Variants in MFSD2B observed in about 807,000 individuals in gnomAD.
The protein encoded by MFSD2B is sphingosine-1-phosphate transporter MFSD2B.
Under a neutral mutation model 58.4 loss-of-function variants are expected in MFSD2B, and 56 were observed. The ratio of observed to expected loss-of-function variants is 0.96; its 90% CI spans 0.77 to 1.20. The LOEUF is 1.20. MFSD2B is among the 50% of genes most tolerant of loss of function. The pLI is 0.00. For synonymous variants in MFSD2B, 287 were observed against 294.4 expected (o/e 0.97, Z 0.26); for missense variants, 645 against 667.6 (o/e 0.97, Z 0.37).
chr2:24,026,030 C>T lies in MFSD2B; in HGVS notation c.*574C>T, dbSNP rs1428976440. On this transcript the variant is annotated 3_prime_UTR_variant, in exon 14 of 14. Coordinates refer to ENST00000338315, the MANE Select transcript of MFSD2B (RefSeq NM_001346880.2). ...GGCCTGCCCAGGCTGGTCTTAAACT[C>T]CTGGCCTCAGGTGATCCTACTGCCT... 6.5e-6 allele frequency: 1 copy of T among 152,714 alleles called. No homozygotes were observed. Among genetic ancestry groups the T allele is most frequent in the Non-Finnish European group, 1.5e-5 (1 of 68,414 alleles). 9.5% of individuals were successfully genotyped at this position (152,714 alleles called of 1,614,324 possible).
rs1436067958 is a variant in MFSD2B, at chr2:24,017,592, A to G, written c.681+4A>G. Reference sequence around the variant, plus strand: ...AGTCACTGTCTCCCCGAATGCAGTAAGTGCACTGGGTGGCAAGGCCCCCCA... The same window carrying G: ...AGTCACTGTCTCCCCGAATGCAGTAGGTGCACTGGGTGGCAAGGCCCCCCA... On this transcript the variant is annotated splice_donor_region_variant and intron_variant, in intron 6 of 13. Transcript: ENST00000338315. This position sits in a 1 kb window ranked among gnomAD's most constrained non-coding sequence, Gnocchi z 4.8. 2 of 1,549,170 alleles carry G rather than the reference A, an allele frequency of 1.3e-6. No individual in the cohort carries two copies. Among genetic ancestry groups the G allele is most frequent in the Non-Finnish European group, 1.7e-6 (2 of 1,146,504 alleles).
Position 24,022,729 on chromosome 2 carries a change from G to A in MFSD2B, c.979-93G>A. On this transcript the variant is annotated intron_variant, in intron 9 of 13. Transcript: ENST00000338315. This position sits in a 1 kb window ranked among gnomAD's most constrained non-coding sequence, Gnocchi z 4.5. ...CGGTTTGAACCAGGGGCAAGGCCAA[G>A]GTCAGGCATCCAATCTAAAAGCCAA... 2 of 1,016,256 alleles carry A rather than the reference G, an allele frequency of 2.0e-6. No individual in the cohort carries two copies. Among genetic ancestry groups the A allele is most frequent in the Non-Finnish European group, 2.8e-6 (2 of 704,606 alleles). The allele number at this position is 1,016,256 out of a possible 1,614,324, so 63.0% of individuals were successfully genotyped here.
In MFSD2B at chr2:24,023,788, A is replaced by T; in HGVS notation, c.1313+62A>T. ...GGACCAGTGGGCAGGAAGAGGGCAAAGCCCCTCACCTACCAAGCTCAGGGC... is the reference window on the plus strand; with the variant it reads ...GGACCAGTGGGCAGGAAGAGGGCAATGCCCCTCACCTACCAAGCTCAGGGC... On this transcript the variant is annotated intron_variant, in intron 12 of 13. Coordinates refer to ENST00000338315, the MANE Select transcript of MFSD2B (RefSeq NM_001346880.2). This position sits in a 1 kb window ranked among gnomAD's most constrained non-coding sequence, Gnocchi z 5.0. 4 of 1,582,452 alleles carry T rather than the reference A, an allele frequency of 2.5e-6. No individual in the cohort carries two copies. The South Asian group carries it at 4.6e-5, about 18-fold the overall frequency.
At position 24,016,870 on chromosome 2, in the gene MFSD2B, G is replaced by A. The variant is rs1250012271; in HGVS notation, c.373G>A (p.Ala125Thr). The change falls in exon 4 of 14, where the codon GCC (alanine) becomes ACC (threonine). Residue 125 changes from alanine (A) to threonine (T), a missense_variant. By Grantham distance (58) the Ala-to-Thr change is moderately conservative (BLOSUM62 0). Coordinates refer to ENST00000338315, the MANE Select transcript of MFSD2B (RefSeq NM_001346880.2). Reference protein sequence around the residue: ...PWVLGCTPFIALAYFFLWFLP... With the variant: ...PWVLGCTPFITLAYFFLWFLP... ...GGTGCTGGGCTGCACCCCCTTCATC[G>A]CCCTGGCCTACTTCTTCCTGTGGTT... 3.1e-6 allele frequency: 5 copies of A among 1,613,610 alleles called. No homozygotes were observed. Among genetic ancestry groups the A allele is most frequent in the Admixed American group, 1.7e-5 (1 of 60,008 alleles).
rs1240105847 is a variant in MFSD2B at position 24,026,377 on chromosome 2, A to ATCTTTTGTTATACATAAGAAGC, written c.*922_*943dup. ...CCTGAGTGGTAGGGGTGAGGGGAACATCTTTTGTTATACATAAGAAGCCCT... is the reference window on the plus strand; with the variant it reads ...CCTGAGTGGTAGGGGTGAGGGGAACATCTTTTGTTATACATAAGAAGCTCTTTTGTTATACATAAGAAGCCCT... On this transcript the variant is annotated 3_prime_UTR_variant, in exon 14 of 14. Transcript: ENST00000338315. The ATCTTTTGTTATACATAAGAAGC allele has an allele frequency of 6.6e-6, 1 of 152,224 alleles. No homozygotes were observed. Among genetic ancestry groups the ATCTTTTGTTATACATAAGAAGC allele is most frequent in the Non-Finnish European group, 1.5e-5 (1 of 68,038 alleles). 9.4% of individuals were successfully genotyped at this position (152,224 alleles called of 1,614,324 possible).
chr2:24,018,743 G>A (rs2150940327), intron 6 of MFSD2B: 1 of 169,948 alleles, frequency 5.9e-6, no homozygotes, highest in Admixed American at 6.4e-5. Context: ...AGGAGTTTGA[G>A]CATGGGTGGC....
At chr2:24,016,408 G>C in intron 3 of MFSD2B, 128 bp downstream of exon 3, 2 of 1,004,980 alleles carry the variant, frequency 2.0e-6, no homozygotes, top group Non-Finnish European at 1.4e-6. Context: ...TAATATCGCA[G>C]GTGCACTGGG....
intron 2 of MFSD2B, among the ~76,000 whole-genome samples, chr2:24,014,354 A>G (rs954620458): frequency 6.6e-6 from 1 of 152,082 alleles, no homozygotes. Flanking sequence ...GGGTTTCGCC[A>G]TGTTGGCCAG....
chr2:24,018,733 AG>A lies in MFSD2B; in HGVS notation c.681+1147del. On this transcript the variant is annotated intron_variant, in intron 6 of 13. Coordinates refer to ENST00000338315, the MANE Select transcript of MFSD2B (RefSeq NM_001346880.2). Reference sequence around the variant, plus strand: ...CCTTTTCTGGAAAAAAAAAAAAAAAAGGAGTTTGAGCATGGGTGGCCCTCGC... The same window carrying A: ...CCTTTTCTGGAAAAAAAAAAAAAAAAGAGTTTGAGCATGGGTGGCCCTCGC... 5 of 169,238 alleles carry A rather than the reference AG, an allele frequency of 3.0e-5. No individual in the cohort carries two copies. The East Asian group carries it at 5.6e-4, about 19-fold the overall frequency. 10.5% of individuals were successfully genotyped at this position (169,238 alleles called of 1,614,324 possible). A position where few individuals can be genotyped will look rare whatever the true frequency, so the allele number is the denominator to read the frequency against.
At chr2:24,014,956 T>C (rs1054422470) in intron 2 of MFSD2B, among the ~76,000 whole-genome samples, 3 of 152,036 alleles carry the variant, frequency 2.0e-5, no homozygotes, top group African/African-American at 7.2e-5. Flanking sequence ...CCATTTCTAC[T>C]AAATATACAA....
chr2:24,025,862 T>G lies in MFSD2B; in HGVS notation c.*406T>G, dbSNP rs1662962289. On this transcript the variant is annotated 3_prime_UTR_variant, in exon 14 of 14. Coordinates refer to ENST00000338315, the MANE Select transcript of MFSD2B (RefSeq NM_001346880.2). ...CCTCAGCCTCCCGAGTAGCTGGGAC[T>G]ACAGGTGCCCGCCACCACGCCCAGC... The G allele has an allele frequency of 5.8e-6, 1 of 173,346 alleles. No homozygotes were observed. The highest frequency in any genetic ancestry group is 2.4e-5 in the African/African-American group (1 of 42,230). The allele number at this position is 173,346 out of a possible 1,614,324, so 10.7% of individuals were successfully genotyped here. A position where few individuals can be genotyped will look rare whatever the true frequency, so the allele number is the denominator to read the frequency against.
At chr2:24,014,106 G>A (rs1054205587) in intron 2 of MFSD2B, among the ~76,000 whole-genome samples, 2 of 151,852 alleles carry the variant, frequency 1.3e-5, no homozygotes, top group Non-Finnish European at 2.9e-5. Context: ...TCTGCCTCCC[G>A]GGTTTAGCAA....
chr2:24,022,874 GGAA>G lies in MFSD2B; in HGVS notation c.1037_1039del (p.Lys346del), dbSNP rs1662847285. On this transcript the variant is annotated inframe_deletion, in exon 10 of 14. Transcript: ENST00000338315. The surrounding 1 kb of genome is among the most constrained non-coding windows in gnomAD (Gnocchi z 4.5). ...TGGGAGTGGGTTCTCCAGCGCTTTG[GGAA>G]GAAGACGTCAGCCTTTGGGATCTTT... 6.2e-7 allele frequency: 1 copy of G among 1,611,198 alleles called. No homozygotes were observed. Among genetic ancestry groups the G allele is most frequent in the African/African-American group, 1.3e-5 (1 of 74,874 alleles).
chr2:24,010,090 G>A lies in MFSD2B; in HGVS notation c.-7G>A, dbSNP rs757305603. 3 of 1,429,694 alleles carry A rather than the reference G, an allele frequency of 2.1e-6. No homozygotes were observed. The highest frequency in any genetic ancestry group is 1.4e-5 in the South Asian group (1 of 69,596). The allele number at this position is 1,429,694 out of a possible 1,614,324, so 88.6% of individuals were successfully genotyped here. On this transcript the variant is annotated 5_prime_UTR_variant, in exon 1 of 14. Transcript: ENST00000338315. Reference sequence around the variant, plus strand: ...GGGCAACGGCCGCGGGCGGCGCTGCGGTGGCAATGGCGGCGCCCCCTGCAC... The same window carrying A: ...GGGCAACGGCCGCGGGCGGCGCTGCAGTGGCAATGGCGGCGCCCCCTGCAC...
In MFSD2B at chr2:24,022,604, G is replaced by C. The variant is rs1662834863; in HGVS notation, c.978+88G>C. On this transcript the variant is annotated intron_variant, in intron 9 of 13. Transcript: ENST00000338315. The surrounding 1 kb of genome is among the most constrained non-coding windows in gnomAD (Gnocchi z 4.5). ...GTCCTTGATGTGACACATATGGCCA[G>C]AGTTCTGGTGGTCAACATTTTGGAC... is the stretch of plus-strand genomic sequence containing the variant. 2 of 1,130,602 alleles carry C rather than the reference G, an allele frequency of 1.8e-6. No homozygotes were observed. Among genetic ancestry groups the C allele is most frequent in the Non-Finnish European group, 2.6e-6 (2 of 783,062 alleles). 70.0% of individuals were successfully genotyped at this position (1,130,602 alleles called of 1,614,324 possible).
chr2:24,016,394 T>C, intron 3 of MFSD2B, 114 bp downstream of exon 3: 1 of 1,183,772 alleles, frequency 8.4e-7, no homozygotes, highest in South Asian at 1.6e-5. Context: ...GAGACAAGAC[T>C]GGATAATATC....
chr2:24,017,305 C>T lies in MFSD2B; in HGVS notation c.491C>T (p.Thr164Ile). The change falls in exon 5 of 14, where the codon ACA becomes ATA. Residue 164 changes from threonine to isoleucine, a missense_variant. Thr to Ile is a moderately conservative substitution (Grantham distance 89). Coordinates refer to ENST00000338315, the MANE Select transcript of MFSD2B (RefSeq NM_001346880.2). The surrounding 1 kb of genome is among the most constrained non-coding windows in gnomAD (Gnocchi z 4.8). Reference protein sequence around the residue: ...ALATFFQVPYTALTMLLTPCP... With the variant: ...ALATFFQVPYIALTMLLTPCP... ...CCCCAGTTCTTCCAGGTGCCCTACA[C>T]AGCGCTCACCATGCTGCTGACTCCC... 1.2e-6 allele frequency: 2 copies of T among 1,604,084 alleles called. No homozygotes were observed. Among genetic ancestry groups the T allele is most frequent in the Non-Finnish European group, 1.7e-6 (2 of 1,175,882 alleles).
chr2:24,010,395 G>A (rs1274406820), intron 1 of MFSD2B, among the ~76,000 whole-genome samples: 1 of 152,240 alleles, frequency 6.6e-6, no homozygotes, highest in East Asian at 1.9e-4. Context: ...AGGACGGGAA[G>A]CCTAGCCCTA....
rs777018908 is a variant in MFSD2B at position 24,022,460 on chromosome 2, T to G, written c.922T>G (p.Cys308Gly). The G allele has an allele frequency of 7.4e-6, 12 of 1,613,386 alleles. No homozygotes were observed. The East Asian group carries it at 2.7e-4, about 36-fold the overall frequency. ...QVEQSYLVLF[C>G]THASQLHDHV... ...GGAGCAGAGCTACCTGGTCCTGTTC[T>G]GTACACATGCCTCCCAGCTACACGA... Residue 308 changes from cysteine (C) to glycine (G), a missense_variant, in exon 9 of 14, where the codon TGT (cysteine) becomes GGT (glycine). By Grantham distance (159) the Cys-to-Gly change is radical. Coordinates refer to ENST00000338315, the MANE Select transcript of MFSD2B (RefSeq NM_001346880.2). The surrounding 1 kb of genome is among the most constrained non-coding windows in gnomAD (Gnocchi z 4.5).
Sources: gnomAD v4.1 joint callset for allele counts (sites outside exome capture counted in the v4.1 genomes callset) on GRCh38, gnomAD v4.1.1 for gene constraint, Gnocchi (gnomAD v3.1) non-coding constraint, MANE v1.5 for transcripts, NCBI Gene and HGNC (gene_info 2026-07-23, HGNC 2026-07-21) for gene names.